Variants in RASGRF2 observed in about 807,000 individuals in gnomAD.
RASGRF2 encodes the protein Ras protein specific guanine nucleotide releasing factor 2.
Under a neutral mutation model 151.0 loss-of-function variants are expected in RASGRF2, and 76 were observed. The ratio of observed to expected loss-of-function variants is 0.50; its 90% CI spans 0.42 to 0.61. The LOEUF (loss-of-function observed/expected upper bound fraction) is 0.61. Ranked by LOEUF, RASGRF2 falls within the 20% of genes least tolerant of loss-of-function variation. The probability of loss-of-function intolerance (pLI) is 0.00; values close to 1 mark genes in which losing one functional copy is unlikely to be tolerated. For synonymous variants in RASGRF2, 504 were observed against 566.5 expected (o/e 0.89, Z 1.57); for missense variants, 1,148 against 1,564.6 (o/e 0.73, Z 4.49).
At chr5:81,213,952 C>A (rs1177671656) in intron 23 of RASGRF2, among the ~76,000 whole-genome samples, 1 of 152,186 alleles carries the variant, frequency 6.6e-6, no homozygotes, top group Non-Finnish European at 1.5e-5. Flanking sequence ...GCACCTTACA[C>A]CCAGTTTCCC....
chr5:81,150,759 A>T (rs1754117399), intron 17 of RASGRF2, among the ~76,000 whole-genome samples: 1 of 152,224 alleles, frequency 6.6e-6, no homozygotes, highest in South Asian at 2.1e-4. Flanking sequence ...ACATATACTA[A>T]TGGTGTGGCA....
chr5:81,051,631 T>G (rs1751015111), intron 2 of RASGRF2, among the ~76,000 whole-genome samples: 1 of 152,246 alleles, frequency 6.6e-6, no homozygotes, highest in South Asian at 2.1e-4. Context: ...CCAAGCTTCG[T>G]CAATGTGGTA....
At chr5:81,219,285 G>T (rs571493227) in intron 25 of RASGRF2, among the ~76,000 whole-genome samples, 1 of 151,970 alleles carries the variant, frequency 6.6e-6, no homozygotes, top group Non-Finnish European at 1.5e-5. Flanking sequence ...CGCTGTGTTG[G>T]GGCCAGGCTG....
chr5:81,081,267 G>A (rs1752077754), intron 7 of RASGRF2, among the ~76,000 whole-genome samples: 2 of 152,054 alleles, frequency 1.3e-5, no homozygotes, highest in South Asian at 4.1e-4. Context: ...GTCTCCCCTC[G>A]GCTGGAGCCC....
chr5:80,997,843 C>G (rs1235485063), intron 1 of RASGRF2, among the ~76,000 whole-genome samples: 2 of 151,928 alleles, frequency 1.3e-5, no homozygotes, highest in Non-Finnish European at 2.9e-5. Context: ...GTGGCGGGCG[C>G]CTGTAGTCCC....
intron 12 of RASGRF2, among the ~76,000 whole-genome samples, chr5:81,102,692 C>G (rs1473738996): frequency 6.9e-6 from 1 of 145,508 alleles, no homozygotes; most frequent in Non-Finnish European, 1.5e-5. Context: ...GAGACTCTGT[C>G]TCCCAAAAAA....
At chr5:80,969,230 A>G (rs1747824144) in intron 1 of RASGRF2, among the ~76,000 whole-genome samples, 1 of 146,934 alleles carries the variant, frequency 6.8e-6, no homozygotes, top group Non-Finnish European at 1.5e-5. Context: ...TCCCAGGTTC[A>G]AGTGATTCTC....
chr5:81,041,803 T>C (rs1045074765), intron 1 of RASGRF2, among the ~76,000 whole-genome samples: 1 of 152,204 alleles, frequency 6.6e-6, no homozygotes, highest in Non-Finnish European at 1.5e-5. Context: ...ATAATCAGTA[T>C]GTAGAACCAT....
intron 17 of RASGRF2, among the ~76,000 whole-genome samples, chr5:81,171,944 A>C (rs1390766952): frequency 1.3e-5 from 2 of 152,182 alleles, no homozygotes; most frequent in East Asian, 3.9e-4. Flanking sequence ...AAAGCTGATG[A>C]CAGCAGCGAT....
intron 17 of RASGRF2, among the ~76,000 whole-genome samples, chr5:81,171,698 A>G: frequency 6.6e-6 from 1 of 151,918 alleles, no homozygotes; most frequent in East Asian, 1.9e-4. Context: ...TTTTTAGAGC[A>G]CTCTATTTTA....
rs1265543183 is a variant in RASGRF2 at position 81,226,495 on chromosome 5, T to C, written c.*725T>C. 2 of 152,188 alleles carry C rather than the reference T, an allele frequency of 1.3e-5. No individual in the cohort carries two copies. Among genetic ancestry groups the C allele is most frequent in the East Asian group, 1.9e-4 (1 of 5,196 alleles). The allele number at this position is 152,188 out of a possible 1,614,324, so 9.4% of individuals were successfully genotyped here. On this transcript the variant is annotated 3_prime_UTR_variant, in exon 27 of 27. Transcript: ENST00000265080. ...GGCTGGCTGAGGTGGGTGGGGAGCT[T>C]TTCCTTGAGACTGTTGGTCCTAAGA... is the stretch of plus-strand genomic sequence containing the variant.
chr5:81,087,244 C>G (rs1271047353), intron 9 of RASGRF2: 1 of 703,080 alleles, frequency 1.4e-6, no homozygotes, highest in Non-Finnish European at 2.6e-6. Context: ...CAAGGAGGAC[C>G]GGTCGGCCTG....
intron 1 of RASGRF2, among the ~76,000 whole-genome samples, chr5:81,028,786 A>T (rs1031150304): frequency 6.6e-6 from 1 of 152,248 alleles, no homozygotes; most frequent in Admixed American, 6.5e-5. Context: ...TACCAGGTTC[A>T]TCTCACTGGG....
At chr5:81,185,900 G>C (rs1755015605) in intron 18 of RASGRF2, among the ~76,000 whole-genome samples, 1 of 152,194 alleles carries the variant, frequency 6.6e-6, no homozygotes, top group Admixed American at 6.5e-5. Context: ...AAAGACATTG[G>C]TGCCTGCCCA....
chr5:80,985,995 A>G (rs1029596517), intron 1 of RASGRF2, among the ~76,000 whole-genome samples: 1 of 152,130 alleles, frequency 6.6e-6, no homozygotes, highest in Non-Finnish European at 1.5e-5. Context: ...CAATACAAAG[A>G]GTCAGTTTAA....
intron 1 of RASGRF2, among the ~76,000 whole-genome samples, chr5:80,984,289 A>G (rs1231077804): frequency 6.6e-6 from 1 of 152,196 alleles, no homozygotes; most frequent in Non-Finnish European, 1.5e-5. Flanking sequence ...CCTGGCCTCA[A>G]GTGATCCACC....
chr5:81,125,289 G>C (rs1753422667), intron 16 of RASGRF2, among the ~76,000 whole-genome samples: 1 of 152,154 alleles, frequency 6.6e-6, no homozygotes, highest in South Asian at 2.1e-4. Context: ...TTAGCAGCTT[G>C]GTAGAAGCTG....
intron 17 of RASGRF2, among the ~76,000 whole-genome samples, chr5:81,141,102 T>C (rs1421843865): frequency 2.0e-5 from 3 of 152,190 alleles, no homozygotes; most frequent in African/African-American, 7.2e-5. Context: ...ACACAATACT[T>C]TCATGGGCCA....
rs147529144 is a variant in RASGRF2, at chr5:81,131,077, A to G, written c.2686+3914A>G. On this transcript the variant is annotated intron_variant, in intron 17 of 26. Transcript: ENST00000265080. ...TCAATTAATTATTATGCTCTCAAAC[A>G]TTAACTCTAGGCATTTGTATATTAA... Among the ~76,000 whole-genome samples, 453 of 152,300 alleles carry G rather than the reference A, an allele frequency of 3.0e-3. 1 individual carries two copies. Among genetic ancestry groups the G allele is most frequent in the South Asian group, 0.011 (52 of 4,812 alleles).
Sources: allele counts gnomAD v4.1 joint callset (sites outside exome capture counted in the v4.1 genomes callset), GRCh38; gene constraint gnomAD v4.1.1; transcripts MANE v1.5; gene names NCBI Gene and HGNC (gene_info 2026-07-23, HGNC 2026-07-21).